MITF: variants seen among roughly 807,000 people sequenced by gnomAD.
MITF encodes the protein melanocyte inducing transcription factor, also known as microphthalmia-associated transcription factor.
MITF carries 17 observed loss-of-function variants against 60.5 expected under a neutral mutation model. The observed-to-expected ratio is 0.28, with a 90% confidence interval of 0.19 to 0.42. The LOEUF is 0.42. MITF is among the 10% of genes least tolerant of loss of function. The pLI is 1.00. For synonymous variants in MITF, 260 were observed against 248.5 expected (o/e 1.05, Z -0.43); for missense variants, 622 against 683.5 (o/e 0.91, Z 1.00).
At chr3:69,855,104 C>G (rs556919769) in intron 1 of MITF, among the ~76,000 whole-genome samples, 1 of 151,856 alleles carries the variant, frequency 6.6e-6, no homozygotes, top group African/African-American at 2.4e-5. Flanking sequence ...CCCCGCCCCC[C>G]AGGGACTACT....
intron 6 of MITF, among the ~76,000 whole-genome samples, chr3:69,950,163 C>T (rs2066206571): frequency 6.6e-6 from 1 of 151,996 alleles, no homozygotes; most frequent in African/African-American, 2.4e-5. Flanking sequence ...GGCACAGTAG[C>T]TCACGCCTGT....
chr3:69,936,181 A>T (rs988703093), intron 2 of MITF, among the ~76,000 whole-genome samples: 1 of 152,154 alleles, frequency 6.6e-6, no homozygotes, highest in Admixed American at 6.6e-5. Flanking sequence ...CTTCTCTTCT[A>T]TACTAAAAGA....
At chr3:69,747,182 AGCATGGT>A (rs1332063258) in intron 1 of MITF, among the ~76,000 whole-genome samples, 1 of 152,224 alleles carries the variant, frequency 6.6e-6, no homozygotes, top group Non-Finnish European at 1.5e-5. Context: ...GGTTCCTGCT[AGCATGGT>A]GCATACATCT....
chr3:69,948,177 A>G (rs1169733580), intron 5 of MITF, among the ~76,000 whole-genome samples: 1 of 152,182 alleles, frequency 6.6e-6, no homozygotes, highest in Admixed American at 6.6e-5. Context: ...AGGTCAGTCA[A>G]CGATTTCTCC....
At chr3:69,810,371 G>T (rs976187545) in intron 1 of MITF, among the ~76,000 whole-genome samples, 3 of 152,056 alleles carry the variant, frequency 2.0e-5, no homozygotes, top group Non-Finnish European at 4.4e-5. Context: ...CACTGAATTG[G>T]ATAGGTTTTT....
At chr3:69,865,216 A>G (rs2064089367) in intron 1 of MITF, among the ~76,000 whole-genome samples, 1 of 152,168 alleles carries the variant, frequency 6.6e-6, no homozygotes, top group Non-Finnish European at 1.5e-5. Flanking sequence ...TATATCACGT[A>G]ATTTGAGTTT....
intron 1 of MITF, among the ~76,000 whole-genome samples, chr3:69,821,148 T>C (rs1473533770): frequency 6.6e-6 from 1 of 152,172 alleles, no homozygotes; most frequent in Non-Finnish European, 1.5e-5. Context: ...TATAAAATAA[T>C]AATAGCAAGG....
chr3:69,798,423 A>G (rs972000170), intron 1 of MITF, among the ~76,000 whole-genome samples: 2 of 152,146 alleles, frequency 1.3e-5, no homozygotes, highest in African/African-American at 4.8e-5. Context: ...TATCATTCAG[A>G]GTTGTTGTGA....
At chr3:69,757,616 C>T (rs2106790301) in intron 1 of MITF, among the ~76,000 whole-genome samples, 1 of 151,998 alleles carries the variant, frequency 6.6e-6, no homozygotes, top group East Asian at 1.9e-4. Context: ...AGAGTTAGGA[C>T]ACCCTGAACT....
intron 2 of MITF, among the ~76,000 whole-genome samples, chr3:69,924,637 A>G (rs1178623298): frequency 3.3e-5 from 5 of 152,140 alleles, no homozygotes; most frequent in African/African-American, 1.2e-4. Flanking sequence ...CCTCCCTCTA[A>G]CTTGCAAATC....
chr3:69,907,534 C>G (rs551268562), intron 2 of MITF, among the ~76,000 whole-genome samples: 29 of 152,240 alleles, frequency 1.9e-4, no homozygotes, highest in Non-Finnish European at 2.9e-5. Context: ...TAGATGAAAT[C>G]ACTTCATAAG....
At chr3:69,843,714 A>G (rs2063680172) in intron 1 of MITF, among the ~76,000 whole-genome samples, 2 of 152,150 alleles carry the variant, frequency 1.3e-5, no homozygotes, top group South Asian at 2.1e-4. Flanking sequence ...GGCCACAGAC[A>G]TATTTTCTTT....
intron 2 of MITF, among the ~76,000 whole-genome samples, chr3:69,881,042 C>G (rs560680706): frequency 2.6e-5 from 4 of 152,116 alleles, no homozygotes; most frequent in South Asian, 4.1e-4. Context: ...AGCATAATTT[C>G]TAAATGCTTT....
chr3:69,788,291 C>T (rs1424600312), intron 1 of MITF, among the ~76,000 whole-genome samples: 3 of 120,496 alleles, frequency 2.5e-5, no homozygotes, highest in East Asian at 6.0e-4. Context: ...CCCCCTCCCC[C>T]GACCCCACAA....
intron 1 of MITF, among the ~76,000 whole-genome samples, chr3:69,858,193 C>T (rs62253183): frequency 0.15 from 22,491 of 151,922 alleles, 1,733 homozygotes; most frequent in South Asian, 0.18. Context: ...CATTAATATA[C>T]ACTTTGATTA....
rs115242694 is a variant in MITF at position 69,963,739 on chromosome 3, T to C, written c.1180-1108T>C. On this transcript the variant is annotated intron_variant, in intron 9 of 9. Transcript: ENST00000352241. ...ACAGCAACTGCCAAAAGCTCAACTT[T>C]GCAATGATATCATGTGGTTGAAAAG... Among the ~76,000 whole-genome samples the C allele has an allele frequency of 3.9e-3, 591 of 152,184 alleles. 7 individuals are homozygous for C. Among genetic ancestry groups the C allele is most frequent in the African/African-American group, 0.013 (552 of 41,536 alleles).
intron 2 of MITF, among the ~76,000 whole-genome samples, chr3:69,917,291 G>A (rs1393412355): frequency 6.6e-6 from 1 of 151,840 alleles, no homozygotes; most frequent in Non-Finnish European, 1.5e-5. Context: ...GAGGACTTGG[G>A]ACTGGGAAAT....
At chr3:69,894,370 A>C (rs544759601) in intron 2 of MITF, among the ~76,000 whole-genome samples, 1 of 152,326 alleles carries the variant, frequency 6.6e-6, no homozygotes, top group African/African-American at 2.4e-5. Flanking sequence ...CTTACATGAT[A>C]TGTCCATTTA....
chr3:69,953,500 G>T (rs1053326495), intron 7 of MITF, among the ~76,000 whole-genome samples: 1 of 151,606 alleles, frequency 6.6e-6, no homozygotes, highest in African/African-American at 2.4e-5. Flanking sequence ...AATTTATTTT[G>T]TAAGAATATT....
Sources: allele counts gnomAD v4.1 joint callset (sites outside exome capture counted in the v4.1 genomes callset), GRCh38; gene constraint gnomAD v4.1.1; transcripts MANE v1.5; gene names NCBI Gene and HGNC (gene_info 2026-07-23, HGNC 2026-07-21).